FREM2: variants seen among roughly 807,000 people sequenced by gnomAD.
The protein encoded by FREM2 is FRAS1 related extracellular matrix 2, also known as FRAS1-related extracellular matrix protein 2.
Under a neutral mutation model 219.9 loss-of-function variants are expected in FREM2, and 119 were observed. That is an observed-to-expected ratio of 0.54 (90% CI 0.47 to 0.63). FREM2 has a LOEUF of 0.63. Ranked by LOEUF, FREM2 falls within the 30% of genes least tolerant of loss-of-function variation. The probability of loss-of-function intolerance (pLI) is 0.00; values close to 1 mark genes in which losing one functional copy is unlikely to be tolerated. For synonymous variants in FREM2, 1,562 were observed against 1,522.8 expected (o/e 1.03, Z -0.60); for missense variants, 4,030 against 3,993.6 (o/e 1.01, Z -0.25).
At chr13:38,818,872 A>G (rs1875881012) in intron 6 of FREM2, among the ~76,000 whole-genome samples, 1 of 152,038 alleles carries the variant, frequency 6.6e-6, no homozygotes, top group Non-Finnish European at 1.5e-5. Flanking sequence ...AGTCTGGGCA[A>G]CAGAGCAAGC....
At chr13:38,876,460 ATCC>A in intron 20 of FREM2, 78 bp downstream of exon 20, 21 of 1,201,658 alleles carry the variant, frequency 1.7e-5, no homozygotes, top group Non-Finnish European at 2.4e-5. Context: ...AAAAAAAAAA[ATCC>A]ACACGTGAAT....
chr13:38,720,088 C>T (rs1394914110), intron 2 of FREM2, among the ~76,000 whole-genome samples: 1 of 152,094 alleles, frequency 6.6e-6, no homozygotes, highest in Non-Finnish European at 1.5e-5. Flanking sequence ...AGAAGGTCAT[C>T]GAAAGGGAAG....
At chr13:38,832,297 G>A (rs1280369290) in intron 6 of FREM2, among the ~76,000 whole-genome samples, 1 of 152,042 alleles carries the variant, frequency 6.6e-6, no homozygotes, top group African/African-American at 2.4e-5. Flanking sequence ...AGTGGGGAAA[G>A]GCCATGCCTA....
In FREM2 at chr13:38,692,415, A is replaced by G; in HGVS notation, c.5071A>G (p.Ser1691Gly). 6.2e-7 allele frequency: 1 copy of G among 1,613,310 alleles called. No individual in the cohort carries two copies. The highest frequency in any genetic ancestry group is 8.5e-7 in the Non-Finnish European group (1 of 1,179,552). The change falls in exon 1 of 24, where the codon AGC becomes GGC. Residue 1691 changes from serine (S) to glycine (G), a missense_variant. By Grantham distance (56) the Ser-to-Gly change is moderately conservative. Transcript: ENST00000280481. The stretch of plus-strand genomic sequence containing the variant: ...AATATTGAAAGTGGAGGACAGAGAC[A>G]GCTTACACATTTCTCTTAGATTTAT... ...SKILKVEDRD[S>G]LHISLRFIVT... is the part of the protein sequence containing the mutation.
intron 6 of FREM2, among the ~76,000 whole-genome samples, 174 bp from the exon 7 acceptor site, chr13:38,846,399 T>C (rs983191442): frequency 1.4e-4 from 21 of 152,204 alleles, no homozygotes; most frequent in African/African-American, 5.1e-4. Context: ...TAAGGACTAA[T>C]ATTTTCACCT....
chr13:38,705,358 A>G (rs1870497856), intron 2 of FREM2, among the ~76,000 whole-genome samples: 1 of 152,234 alleles, frequency 6.6e-6, no homozygotes, highest in Non-Finnish European at 1.5e-5. Flanking sequence ...GAAATAGACT[A>G]GAGGGGCATG....
At chr13:38,813,817 A>G (rs1397839941) in intron 6 of FREM2, among the ~76,000 whole-genome samples, 2 of 151,260 alleles carry the variant, frequency 1.3e-5, no homozygotes, top group African/African-American at 4.9e-5. Context: ...CCTTCTCTTT[A>G]AGGCCAATAA....
chr13:38,818,787 A>AC, intron 6 of FREM2, among the ~76,000 whole-genome samples: 1 of 151,916 alleles, frequency 6.6e-6, no homozygotes, highest in South Asian at 2.1e-4. Flanking sequence ...ACATAGTGAA[A>AC]CCCCGTCTTT....
Position 38,691,822 on chromosome 13 carries a change from A to T in FREM2, c.4478A>T (p.Tyr1493Phe), listed in dbSNP as rs116815496. 6.2e-7 allele frequency: 1 copy of T among 1,614,138 alleles called. No homozygotes were observed. Among genetic ancestry groups the T allele is most frequent in the East Asian group, 2.2e-5 (1 of 44,882 alleles). ...TQLQLAGNKI[Y>F]YIHTADDEVK... The stretch of plus-strand genomic sequence containing the variant: ...CTGCAACTGGCTGGAAACAAAATCT[A>T]CTACATCCACACAGCTGATGATGAA... The change falls in exon 1 of 24, where the codon TAC becomes TTC. Residue 1493 changes from tyrosine (Y) to phenylalanine (F), a missense_variant. Tyr to Phe is a conservative substitution (Grantham distance 22). Transcript: ENST00000280481.
Position 38,764,352 on chromosome 13 carries a change from T to A in FREM2, c.5312T>A (p.Ile1771Asn). 1 of 1,608,858 alleles carries A rather than the reference T, an allele frequency of 6.2e-7. No homozygotes were observed. Among genetic ancestry groups the A allele is most frequent in the Non-Finnish European group, 8.5e-7 (1 of 1,175,314 alleles). ...YQNFRLNWAW[I>N]SFEKEYYLVN... The stretch of plus-strand genomic sequence containing the variant: ...AATTTTCGTCTGAATTGGGCATGGA[T>A]CTCCTTTGAAAAGGAATATTACCTG... The change falls in exon 3 of 24, where the codon ATC becomes AAC. Residue 1771 changes from isoleucine (I) to asparagine (N), a missense_variant. Transcript: ENST00000280481.
rs1878196700 is a variant in FREM2 at position 38,872,617 on chromosome 13, C to T, written c.7984-125C>T. On this transcript the variant is annotated intron_variant, in intron 16 of 23. Coordinates refer to ENST00000280481, the MANE Select transcript of FREM2 (RefSeq NM_207361.6). ...GGAAAATAGTGTTATAAAATGCTGT[C>T]ATTTCCTCTTCTCAATGATTACTCA... 1.3e-5 allele frequency: 10 copies of T among 780,010 alleles called. No homozygotes were observed. The South Asian group carries it at 1.6e-4, about 13-fold the overall frequency. 48.3% of individuals were successfully genotyped at this position (780,010 alleles called of 1,614,324 possible). A position where few individuals can be genotyped will look rare whatever the true frequency, so the allele number is the denominator to read the frequency against.
intron 2 of FREM2, among the ~76,000 whole-genome samples, chr13:38,702,952 A>T (rs148300503): frequency 6.6e-6 from 1 of 152,118 alleles, no homozygotes; most frequent in Non-Finnish European, 1.5e-5. Flanking sequence ...AAGATCCTTG[A>T]TTCATATGCT....
intron 2 of FREM2, among the ~76,000 whole-genome samples, chr13:38,726,524 G>C (rs1347641697): frequency 6.6e-6 from 1 of 152,170 alleles, no homozygotes; most frequent in East Asian, 1.9e-4. Context: ...CAGGGTCAGA[G>C]GCACAAGTTT....
intron 6 of FREM2, among the ~76,000 whole-genome samples, chr13:38,835,462 G>GT (rs1370835670): frequency 6.6e-6 from 1 of 152,162 alleles, no homozygotes; most frequent in African/African-American, 2.4e-5. Flanking sequence ...ATTTAAAGTA[G>GT]TTTTTTCTAA....
intron 8 of FREM2, 75 bp from the exon 9 acceptor site, chr13:38,849,963 C>A: frequency 8.6e-7 from 1 of 1,168,206 alleles, no homozygotes; most frequent in South Asian, 1.3e-5. Context: ...ATTATTCTTT[C>A]CACTAAATCA....
In FREM2 at chr13:38,836,139, T is replaced by C. The variant is rs185716457; in HGVS notation, c.6020-10434T>C. 3.8e-3 allele frequency among the ~76,000 whole-genome samples: 586 copies of C among 152,326 alleles called. 5 individuals carry two copies. Among genetic ancestry groups the C allele is most frequent in the African/African-American group, 0.014 (566 of 41,568 alleles). ...CCATCAATACCTAGTTTATTGAGCG[T>C]TTTTAGCATGAAGGAGTGTTGAATT... On this transcript the variant is annotated intron_variant, in intron 6 of 23. Transcript: ENST00000280481.
intron 2 of FREM2, among the ~76,000 whole-genome samples, chr13:38,711,537 C>A (rs1049107573): frequency 1.3e-5 from 2 of 152,074 alleles, no homozygotes; most frequent in African/African-American, 4.8e-5. Context: ...GTAGTGAAAA[C>A]CATGTGTTAT....
intron 6 of FREM2, among the ~76,000 whole-genome samples, chr13:38,796,541 C>T (rs1874791826): frequency 6.6e-6 from 1 of 152,106 alleles, no homozygotes. Flanking sequence ...AACCCCCCAG[C>T]CCCATTCCCC....
At position 38,880,978 on chromosome 13, in the gene FREM2, C is replaced by T; in HGVS notation, c.*191C>T. 1.4e-6 allele frequency: 1 copy of T among 710,770 alleles called. No individual in the cohort carries two copies. The allele number at this position is 710,770 out of a possible 1,614,324, so 44.0% of individuals were successfully genotyped here. On this transcript the variant is annotated 3_prime_UTR_variant, in exon 24 of 24. Coordinates refer to ENST00000280481, the MANE Select transcript of FREM2 (RefSeq NM_207361.6). ...TTTTGCATCAAAGGACAAATTAAGG[C>T]ATCTTTCCTCTTGCCCCAAAGGCAG...
Sources: gnomAD v4.1 joint callset for allele counts (sites outside exome capture counted in the v4.1 genomes callset) on GRCh38, gnomAD v4.1.1 for gene constraint, MANE v1.5 for transcripts, NCBI Gene and HGNC (gene_info 2026-07-23, HGNC 2026-07-21) for gene names.